Variants in PLCXD3 observed in about 807,000 individuals in gnomAD.
The protein encoded by PLCXD3 is phosphatidylinositol specific phospholipase C X domain containing 3.
PLCXD3 carries 19 observed loss-of-function variants against 25.5 expected under a neutral mutation model. The observed-to-expected ratio is 0.75, with a 90% CI of 0.52 to 1.09. PLCXD3 has a LOEUF of 1.09. Ranked by LOEUF, PLCXD3 falls within the 50% of genes least tolerant of loss-of-function variation. PLCXD3 has a pLI of 0.00. For synonymous variants in PLCXD3, 174 were observed against 137.6 expected (o/e 1.26, Z -1.85); for missense variants, 411 against 388.1 (o/e 1.06, Z -0.50).
At chr5:41,427,745 A>C (rs114443615) in intron 1 of PLCXD3, among the ~76,000 whole-genome samples, 470 of 152,216 alleles carry the variant, frequency 3.1e-3, no homozygotes, top group Middle Eastern at 0.02. Context: ...TGTCGCTTCC[A>C]AACAGTGTGA....
At chr5:41,396,902 T>C (rs1746024536) in intron 1 of PLCXD3, among the ~76,000 whole-genome samples, 1 of 152,194 alleles carries the variant, frequency 6.6e-6, no homozygotes, top group Non-Finnish European at 1.5e-5. Flanking sequence ...GCTGAAGAAA[T>C]TTCTAAGCAG....
chr5:41,493,957 C>T (rs1178422606), intron 1 of PLCXD3, among the ~76,000 whole-genome samples: 1 of 152,244 alleles, frequency 6.6e-6, no homozygotes, highest in Non-Finnish European at 1.5e-5. Flanking sequence ...CCTGCGCCCA[C>T]TGTCTGGCAC....
Position 41,308,994 on chromosome 5 carries a change from T to C in PLCXD3, c.*4623A>G, listed in dbSNP as rs983121384. On this transcript the variant is annotated 3_prime_UTR_variant, in exon 3 of 3. Coordinates refer to ENST00000377801, the MANE Select transcript of PLCXD3 (RefSeq NM_001005473.3). ...GACACCATTTTTAACAAAAACTTAA[T>C]TTCTGTTTCAATTTTAAATCCAAAT... is the stretch of plus-strand genomic sequence containing the variant. The C allele has an allele frequency of 2.0e-5, 3 of 152,604 alleles. No individual in the cohort carries two copies. The highest frequency in any genetic ancestry group is 4.4e-5 in the Non-Finnish European group (3 of 68,024). 9.5% of individuals were successfully genotyped at this position (152,604 alleles called of 1,614,324 possible).
chr5:41,371,014 C>T (rs1197673117), intron 2 of PLCXD3, among the ~76,000 whole-genome samples: 1 of 152,084 alleles, frequency 6.6e-6, no homozygotes, highest in Non-Finnish European at 1.5e-5. Context: ...TTTAAGATCA[C>T]AGAGAAAGAA....
intron 1 of PLCXD3, among the ~76,000 whole-genome samples, chr5:41,446,081 GGGAGGCTGAGGCA>G (rs1209387452): frequency 6.7e-6 from 1 of 148,624 alleles, no homozygotes; most frequent in Non-Finnish European, 1.5e-5. Context: ...CCAGCTTCTT[GGGAGGCTGAGGCA>G]GGAGAATGAC....
intron 1 of PLCXD3, among the ~76,000 whole-genome samples, chr5:41,476,512 T>C (rs2150521571): frequency 6.6e-6 from 1 of 152,344 alleles, no homozygotes; most frequent in East Asian, 1.9e-4. Flanking sequence ...AATGAGCTTT[T>C]CTGGTTGGCA....
chr5:41,496,874 T>A (rs950148830), intron 1 of PLCXD3, among the ~76,000 whole-genome samples: 7 of 151,500 alleles, frequency 4.6e-5, no homozygotes, highest in Admixed American at 3.3e-4. Context: ...AAAAATAACT[T>A]ATAGCTAGAA....
At chr5:41,415,836 C>T (rs1746679407) in intron 1 of PLCXD3, among the ~76,000 whole-genome samples, 1 of 152,128 alleles carries the variant, frequency 6.6e-6, no homozygotes, top group African/African-American at 2.4e-5. Context: ...AGTGTTAAAA[C>T]ATGACACAAC....
At chr5:41,329,315 A>G (rs1032650539) in intron 2 of PLCXD3, among the ~76,000 whole-genome samples, 1 of 152,140 alleles carries the variant, frequency 6.6e-6, no homozygotes, top group Non-Finnish European at 1.5e-5. Context: ...GCGTTTGATC[A>G]ATGTCTGTCT....
chr5:41,343,508 A>C (rs1323876625), intron 2 of PLCXD3, among the ~76,000 whole-genome samples: 1 of 152,108 alleles, frequency 6.6e-6, no homozygotes, highest in African/African-American at 2.4e-5. Context: ...GGCTAAAATA[A>C]ATGGTCTATT....
chr5:41,480,680 G>C (rs1748388385), intron 1 of PLCXD3, among the ~76,000 whole-genome samples: 1 of 151,976 alleles, frequency 6.6e-6, no homozygotes, highest in South Asian at 2.1e-4. Context: ...TAGCACTTTG[G>C]GAGGCCAAGG....
intron 1 of PLCXD3, among the ~76,000 whole-genome samples, chr5:41,396,241 T>A (rs1005237853): frequency 6.6e-6 from 1 of 152,118 alleles, no homozygotes; most frequent in Non-Finnish European, 1.5e-5. Flanking sequence ...TGGTGGTAGA[T>A]TTCCCCCTTG....
Position 41,444,828 on chromosome 5 carries a change from G to A in PLCXD3, c.104-62294C>T, listed in dbSNP as rs571494694. On this transcript the variant is annotated intron_variant, in intron 1 of 2. Transcript: ENST00000377801. ...TTTGTTAGCACCTGGTAGGCCTTTC[G>A]ATTATGGTAGCATATAGTAAGTTCT... Among the ~76,000 whole-genome samples the A allele has an allele frequency of 3.3e-5, 5 of 152,256 alleles. No individual in the cohort carries two copies. In the East Asian group the frequency reaches 9.7e-4, roughly 29 times the overall value.
chr5:41,490,166 G>A (rs942779547), intron 1 of PLCXD3, among the ~76,000 whole-genome samples: 4 of 151,778 alleles, frequency 2.6e-5, no homozygotes, highest in African/African-American at 9.7e-5. Context: ...TTTTGTCAAA[G>A]GCCTTTTCTG....
At chr5:41,345,059 G>A (rs1476367029) in intron 2 of PLCXD3, among the ~76,000 whole-genome samples, 2 of 152,176 alleles carry the variant, frequency 1.3e-5, no homozygotes, top group African/African-American at 4.8e-5. Flanking sequence ...ATAATAGGGA[G>A]ACTTGGACAC....
intron 2 of PLCXD3, among the ~76,000 whole-genome samples, chr5:41,345,673 T>G (rs1252702875): frequency 1.6e-5 from 2 of 124,484 alleles, no homozygotes; most frequent in Non-Finnish European, 3.3e-5. Flanking sequence ...AATTTATACA[T>G]ACATATGTGT....
intron 2 of PLCXD3, 73 bp from the exon 3 acceptor site, chr5:41,313,843 T>G (rs1241397355): frequency 6.9e-7 from 1 of 1,453,832 alleles, no homozygotes; most frequent in African/African-American, 1.4e-5. Context: ...TTCTCAGTCT[T>G]CCCTTTAGTT....
intron 1 of PLCXD3, among the ~76,000 whole-genome samples, chr5:41,435,292 A>G (rs1200942201): frequency 6.6e-6 from 1 of 152,236 alleles, no homozygotes; most frequent in Non-Finnish European, 1.5e-5. Flanking sequence ...TATAACTACT[A>G]ATCCCATGTG....
rs542641586 is a variant in PLCXD3, at chr5:41,418,673, T to C, written c.104-36139A>G. On this transcript the variant is annotated intron_variant, in intron 1 of 2. Coordinates refer to ENST00000377801, the MANE Select transcript of PLCXD3 (RefSeq NM_001005473.3). ...CATTAAGCGGAGTAGTATAGGTTCTTGCTTCCCTCTCTTCTTCCTGCCACA... is the reference window on the plus strand; with the variant it reads ...CATTAAGCGGAGTAGTATAGGTTCTCGCTTCCCTCTCTTCTTCCTGCCACA... 3.9e-5 allele frequency among the ~76,000 whole-genome samples: 6 copies of C among 152,282 alleles called. No homozygotes were observed. In the South Asian group the frequency reaches 1.2e-3, roughly 32 times the overall value.
Sources: allele counts gnomAD v4.1 joint callset (sites outside exome capture counted in the v4.1 genomes callset), GRCh38; gene constraint gnomAD v4.1.1; transcripts MANE v1.5; gene names NCBI Gene and HGNC (gene_info 2026-07-23, HGNC 2026-07-21).